Variants in UMAD1 observed in about 807,000 individuals in gnomAD.
The protein encoded by UMAD1 is UBAP1-MVB12-associated (UMA)-domain containing protein 1.
In UMAD1, 8 loss-of-function variants were observed where a neutral mutation model predicts 6.1. That is an observed-to-expected ratio of 1.30 (90% CI 0.76 to 2.35). The LOEUF is 2.35. Ranked by LOEUF, UMAD1 falls within the 30% of genes most tolerant of loss-of-function variation. The pLI is 0.00. For synonymous variants in UMAD1, 56 were observed against 31.4 expected, an observed-to-expected ratio of 1.78 and a Z score of -2.61; for missense variants, 130 against 78.4, an observed-to-expected ratio of 1.66 and a Z score of -2.49.
chr7:7,784,387 G>A lies in UMAD1; in HGVS notation c.83-17283G>A, dbSNP rs184796710. 7.7e-3 allele frequency among the ~76,000 whole-genome samples: 1,145 copies of A among 148,858 alleles called. 5 individuals are homozygous for A. Among genetic ancestry groups the A allele is most frequent in the Non-Finnish European group, 0.012 (817 of 67,614 alleles). ...GTCTTGCTCTGTCACCCAGGCTGGA[G>A]TGCAGTGGTGCTACCTTGGCTCACT... On this transcript the variant is annotated intron_variant, in intron 2 of 3. Coordinates refer to ENST00000682710, the MANE Select transcript of UMAD1 (RefSeq NM_001302348.2).
chr7:7,690,281 AT>A lies in UMAD1; in HGVS notation c.82+16838del, dbSNP rs1006618968. 9.3e-5 allele frequency among the ~76,000 whole-genome samples: 14 copies of A among 150,592 alleles called. No homozygotes were observed. The South Asian group carries it at 1.1e-3, about 11-fold the overall frequency. ...GCTGAAGGCAATAAATGAAACCATA[AT>A]TTTTTTTTTAAGCATGGAAGTTCAG... On this transcript the variant is annotated intron_variant, in intron 2 of 3. Transcript: ENST00000682710.
chr7:7,692,942 A>C (rs915398399), intron 2 of UMAD1, among the ~76,000 whole-genome samples: 2 of 151,996 alleles, frequency 1.3e-5, no homozygotes, highest in African/African-American at 4.8e-5. Context: ...TTTCATGTGA[A>C]CCTTTTTGTT....
At chr7:7,766,625 A>T (rs933727683) in intron 2 of UMAD1, among the ~76,000 whole-genome samples, 6 of 152,106 alleles carry the variant, frequency 3.9e-5, no homozygotes, top group Non-Finnish European at 8.8e-5. Flanking sequence ...AAAGTGTTTA[A>T]TTTTTTTCCT....
intron 2 of UMAD1, among the ~76,000 whole-genome samples, chr7:7,717,218 A>G (rs1013727147): frequency 6.6e-6 from 1 of 151,782 alleles, no homozygotes; most frequent in Non-Finnish European, 1.5e-5. Context: ...CACCACGCCC[A>G]GCTAATTTTC....
At chr7:7,867,692 T>G (rs569495135) in intron 3 of UMAD1, among the ~76,000 whole-genome samples, 16 of 152,218 alleles carry the variant, frequency 1.1e-4, no homozygotes, top group African/African-American at 3.9e-4. Context: ...GCAGACAGTG[T>G]GTGCCAACAA....
In UMAD1 at chr7:7,731,507, C is replaced by T. The variant is rs139542001; in HGVS notation, c.82+58054C>T. Among the ~76,000 whole-genome samples the T allele has an allele frequency of 1.8e-3, 254 of 140,394 alleles. 2 individuals carry two copies. The highest frequency in any genetic ancestry group is 6.3e-3 in the African/African-American group (234 of 37,088). 92.1% of individuals were successfully genotyped at this position (140,394 alleles called of 152,430 possible). A position where few individuals can be genotyped will look rare whatever the true frequency, so the allele number is the denominator to read the frequency against. ...ACCCCCCCCCAAAAAAAAAACACTT[C>T]TAGAGGTATTGTTAAAACTAGAATC... On this transcript the variant is annotated intron_variant, in intron 2 of 3. Transcript: ENST00000682710.
At chr7:7,649,839 AT>A (rs1785185442) in intron 1 of UMAD1, among the ~76,000 whole-genome samples, 1 of 152,132 alleles carries the variant, frequency 6.6e-6, no homozygotes, top group Admixed American at 6.5e-5. Flanking sequence ...CATGAATTGG[AT>A]TCATGCCCTT....
At chr7:7,815,649 C>T (rs559579276) in intron 3 of UMAD1, among the ~76,000 whole-genome samples, 1 of 152,124 alleles carries the variant, frequency 6.6e-6, no homozygotes, top group Non-Finnish European at 1.5e-5. Flanking sequence ...AGGAAGACAG[C>T]AAAGGGAGAA....
chr7:7,790,925 C>G (rs182908067), intron 2 of UMAD1, among the ~76,000 whole-genome samples: 10 of 152,262 alleles, frequency 6.6e-5, no homozygotes, highest in Admixed American at 1.3e-4. Flanking sequence ...CTTGCTTGCT[C>G]TGCTGTCCAG....
At chr7:7,711,084 C>T (rs1243072628) in intron 2 of UMAD1, among the ~76,000 whole-genome samples, 1 of 152,150 alleles carries the variant, frequency 6.6e-6, no homozygotes, top group African/African-American at 2.4e-5. Context: ...AAGGATAACA[C>T]TGGGGATTCT....
chr7:7,734,610 T>TA (rs1781314708), intron 2 of UMAD1, among the ~76,000 whole-genome samples: 1 of 152,200 alleles, frequency 6.6e-6, no homozygotes, highest in African/African-American at 2.4e-5. Flanking sequence ...AGTTTCATCA[T>TA]AAATACTCAA....
intron 3 of UMAD1, among the ~76,000 whole-genome samples, chr7:7,869,037 T>C (rs751881944): frequency 6.6e-6 from 1 of 152,242 alleles, no homozygotes; most frequent in Non-Finnish European, 1.5e-5. Context: ...GAAAGGAGAC[T>C]ATTGCTTAGG....
chr7:7,665,750 T>G (rs1779433684), intron 1 of UMAD1, among the ~76,000 whole-genome samples: 1 of 152,162 alleles, frequency 6.6e-6, no homozygotes, highest in South Asian at 2.1e-4. Flanking sequence ...TACACTAGTT[T>G]GTATTTTTGA....
At chr7:7,777,599 A>ATATG (rs1563197896) in intron 2 of UMAD1, among the ~76,000 whole-genome samples, 1 of 140,768 alleles carries the variant, frequency 7.1e-6, no homozygotes. Flanking sequence ...ATATATATAT[A>ATATG]TATGTAATTG....
At chr7:7,734,863 A>T (rs547400908) in intron 2 of UMAD1, among the ~76,000 whole-genome samples, 1 of 152,200 alleles carries the variant, frequency 6.6e-6, no homozygotes, top group Non-Finnish European at 1.5e-5. Flanking sequence ...CAAGTGTATT[A>T]ACAATGCTTT....
chr7:7,643,995 C>G (rs927969500), intron 1 of UMAD1, among the ~76,000 whole-genome samples: 1 of 152,096 alleles, frequency 6.6e-6, no homozygotes, highest in Non-Finnish European at 1.5e-5. Context: ...CTTGGGGTAA[C>G]TTGGATCTCT....
Position 7,878,828 on chromosome 7 carries a change from G to C in UMAD1, c.*1290G>C, listed in dbSNP as rs1784474190. ...AATGCTATGTTATTTAAAAGTTAGA[G>C]GAACATTTCTATTGACAAAAATATG... On this transcript the variant is annotated 3_prime_UTR_variant, in exon 4 of 4. Transcript: ENST00000682710. 6.6e-6 allele frequency: 1 copy of C among 152,122 alleles called. No individual in the cohort carries two copies. The highest frequency in any genetic ancestry group is 2.4e-5 in the African/African-American group (1 of 41,434). 9.4% of individuals were successfully genotyped at this position (152,122 alleles called of 1,614,324 possible).
chr7:7,808,905 T>G (rs1782972376), intron 3 of UMAD1, among the ~76,000 whole-genome samples: 1 of 151,962 alleles, frequency 6.6e-6, no homozygotes, highest in Non-Finnish European at 1.5e-5. Context: ...TTATAAAGAT[T>G]ATTATCAGCT....
At chr7:7,660,812 G>T (rs572216535) in intron 1 of UMAD1, among the ~76,000 whole-genome samples, 6 of 152,234 alleles carry the variant, frequency 3.9e-5, no homozygotes, top group African/African-American at 1.4e-4. Context: ...TATCTTTGTG[G>T]TGTTCTCTGT....
Sources: allele counts gnomAD v4.1 joint callset (sites outside exome capture counted in the v4.1 genomes callset), GRCh38; gene constraint gnomAD v4.1.1; transcripts MANE v1.5; gene names NCBI Gene and HGNC (gene_info 2026-07-23, HGNC 2026-07-21).